Variants in CNBD2 observed in about 807,000 individuals in gnomAD.
CNBD2 encodes cyclic nucleotide binding domain containing 2, also known as cyclic nucleotide-binding domain-containing protein 2.
CNBD2 carries 64 observed loss-of-function variants against 63.7 expected under a neutral mutation model. The observed-to-expected ratio is 1.00, with a 90% CI of 0.82 to 1.24. The LOEUF is 1.24. CNBD2 is among the 50% of genes most tolerant of loss of function. CNBD2 has a pLI of 0.00. For missense variants in CNBD2, 691 were observed against 713.5 expected (o/e 0.97, Z 0.36); for synonymous variants, 229 against 255.4 (o/e 0.90, Z 0.99).
Position 35,955,334 on chromosome 20 carries a change from AT to A in CNBD2, c.*552del, listed in dbSNP as rs557686461. ...TACATGTTGGAATATAATGTTTTGC[AT>A]ATATTGGGTCAAATAAAAATGTTAT... On this transcript the variant is annotated 3_prime_UTR_variant, in exon 1 of 1. Coordinates refer to the CNBD2 transcript ENST00000614708. 54 of 152,366 alleles carry A rather than the reference AT, an allele frequency of 3.5e-4. 1 individual carries two copies. Among genetic ancestry groups the A allele is most frequent in the Admixed American group, 3.0e-3 (46 of 15,306 alleles). The allele number at this position is 152,366 out of a possible 1,614,324, so 9.4% of individuals were successfully genotyped here.
At chr20:35,975,391 C>T (rs2056497163) in intron 2 of CNBD2, among the ~76,000 whole-genome samples, 1 of 113,050 alleles carries the variant, frequency 8.8e-6, no homozygotes, top group Non-Finnish European at 1.9e-5. Context: ...AGCTCCGCCT[C>T]CCGGGTTCAC....
intron 10 of CNBD2, among the ~76,000 whole-genome samples, chr20:36,018,030 A>G (rs2057158615): frequency 6.6e-6 from 1 of 152,238 alleles, no homozygotes; most frequent in African/African-American, 2.4e-5. Context: ...GATAGTACAG[A>G]GAGTCCCCAT....
At chr20:35,955,724 G>A (rs774175982), downstream of CNBD2, among the ~76,000 whole-genome samples, 2 of 152,084 alleles carry the variant, frequency 1.3e-5, no homozygotes, top group East Asian at 3.8e-4. Context: ...GACAGCCCTC[G>A]GCCAGGTGGT....
upstream of CNBD2, among the ~76,000 whole-genome samples, chr20:35,963,678 G>A (rs997628684): frequency 6.6e-6 from 1 of 152,008 alleles, no homozygotes; most frequent in African/African-American, 2.4e-5. Context: ...TTCTATTGGG[G>A]TCACTTTGGT....
chr20:36,025,052 TGTG>T (rs1193774694), intron 11 of CNBD2, among the ~76,000 whole-genome samples: 3 of 152,318 alleles, frequency 2.0e-5, no homozygotes, highest in South Asian at 2.1e-4. Flanking sequence ...TTTATAAAAT[TGTG>T]GTATATTCTC....
intron 7 of CNBD2, among the ~76,000 whole-genome samples, chr20:35,990,074 G>A (rs1333415782): frequency 1.3e-5 from 2 of 152,064 alleles, no homozygotes; most frequent in Non-Finnish European, 2.9e-5. Context: ...TGTCTCTATG[G>A]TAGAAATACT....
downstream of CNBD2, chr20:35,955,460 G>A (rs547117035): frequency 6.6e-6 from 1 of 152,350 alleles, no homozygotes; most frequent in East Asian, 1.9e-4. Context: ...CCTTGGGTTA[G>A]AGTGTTGGAG....
At chr20:35,976,095 A>G (rs1016012805) in intron 3 of CNBD2, 93 bp downstream of exon 3, 4 of 1,162,790 alleles carry the variant, frequency 3.4e-6, no homozygotes, top group African/African-American at 3.1e-5. Context: ...AGCTGGTTTC[A>G]GTCTAGGCTC....
chr20:36,009,913 A>G, intron 9 of CNBD2, among the ~76,000 whole-genome samples: 1 of 152,218 alleles, frequency 6.6e-6, no homozygotes, highest in East Asian at 1.9e-4. Context: ...GAGTACTATT[A>G]TAATCATTCC....
chr20:36,013,946 C>A (rs530750288), intron 10 of CNBD2, among the ~76,000 whole-genome samples: 56 of 152,034 alleles, frequency 3.7e-4, no homozygotes, highest in Non-Finnish European at 6.2e-4. Flanking sequence ...CTTTGGGAGG[C>A]CGAGGAGGGC....
intron 10 of CNBD2, among the ~76,000 whole-genome samples, chr20:36,019,743 C>T (rs964662567): frequency 5.9e-5 from 9 of 151,862 alleles, no homozygotes; most frequent in Non-Finnish European, 2.9e-5. Flanking sequence ...ACAGCCCAGG[C>T]CTTAGGCGGC....
intron 6 of CNBD2, among the ~76,000 whole-genome samples, chr20:35,986,129 A>G (rs1439521517): frequency 2.0e-5 from 3 of 152,196 alleles, no homozygotes; most frequent in Non-Finnish European, 2.9e-5. Context: ...ATCTCATTTA[A>G]TTGCTCTTCA....
At chr20:36,021,244 T>G (rs1349449166) in intron 10 of CNBD2, among the ~76,000 whole-genome samples, 1 of 152,174 alleles carries the variant, frequency 6.6e-6, no homozygotes, top group Admixed American at 6.5e-5. Context: ...AATGAGATCC[T>G]GTCATTTGCA....
intron 4 of CNBD2, 123 bp from the exon 5 acceptor site, chr20:35,983,859 C>G: frequency 9.1e-7 from 1 of 1,099,112 alleles, no homozygotes; most frequent in Non-Finnish European, 1.3e-6. Context: ...TCCTGAGGGC[C>G]CTTCTGGTCC....
chr20:35,954,480 G>C (rs755111676), upstream of CNBD2: 46 of 1,546,600 alleles, frequency 3.0e-5, no homozygotes, highest in Admixed American at 4.5e-4. Flanking sequence ...GCAGCCGGAA[G>C]CGAAAGTCTC....
upstream of CNBD2, among the ~76,000 whole-genome samples, chr20:35,965,716 C>G (rs1295029508): frequency 6.6e-6 from 1 of 152,164 alleles, no homozygotes; most frequent in Non-Finnish European, 1.5e-5. Context: ...CAGCCCACCT[C>G]CTTGCAGATA....
intron 3 of CNBD2, 130 bp downstream of exon 3, chr20:35,976,132 G>A: frequency 1.3e-6 from 1 of 747,578 alleles, no homozygotes; most frequent in Non-Finnish European, 2.3e-6. Context: ...TGTCACCCTG[G>A]GTTGGCCACT....
rs374812491 is a variant in CNBD2, at chr20:35,972,772, C to A, written c.189+6C>A. On this transcript the variant is annotated splice_donor_region_variant and intron_variant, in intron 2 of 11. Transcript: ENST00000373973. The stretch of plus-strand genomic sequence containing the variant: ...CTATCTTCTCCTTCTGGGATGTAAG[C>A]AGTTGGGCTCAGCAGGATTATGAGG... 3.2e-5 allele frequency: 51 copies of A among 1,613,944 alleles called. No homozygotes were observed. The African/African-American group carries it at 5.9e-4, about 19-fold the overall frequency.
upstream of CNBD2, among the ~76,000 whole-genome samples, chr20:35,965,664 C>T (rs928209729): frequency 6.6e-6 from 1 of 152,184 alleles, no homozygotes; most frequent in African/African-American, 2.4e-5. Flanking sequence ...ATGAAACTTT[C>T]TTAGTTTCTA....
Sources: gnomAD v4.1 joint callset for allele counts (sites outside exome capture counted in the v4.1 genomes callset) on GRCh38, gnomAD v4.1.1 for gene constraint, MANE v1.5 for transcripts, NCBI Gene and HGNC (gene_info 2026-07-23, HGNC 2026-07-21) for gene names.